CFLAR: variants seen among roughly 807,000 people sequenced by gnomAD.
The protein encoded by CFLAR is CASP8 and FADD like apoptosis regulator, also known as CASP8 and FADD-like apoptosis regulator.
Under a neutral mutation model 51.1 loss-of-function variants are expected in CFLAR, and 14 were observed. That is an observed-to-expected ratio of 0.27 (90% CI 0.18 to 0.43). CFLAR has a LOEUF of 0.43. Among genes scored for constraint, CFLAR ranks in the 20% least tolerant of loss-of-function variants. The pLI is 1.00. For synonymous variants in CFLAR, 210 were observed against 211.6 expected (o/e 0.99, Z 0.06); for missense variants, 390 against 566.5 (o/e 0.69, Z 3.16).
rs1381227805 is a variant in CFLAR at position 201,174,272 on chromosome 2, G to A, written c.*10299G>A. 1 of 152,062 alleles carries A rather than the reference G, an allele frequency of 6.6e-6. No individual in the cohort carries two copies. Among genetic ancestry groups the A allele is most frequent in the Non-Finnish European group, 1.5e-5 (1 of 67,992 alleles). 9.4% of individuals were successfully genotyped at this position (152,062 alleles called of 1,614,324 possible). On this transcript the variant is annotated 3_prime_UTR_variant, in exon 10 of 10. Transcript: ENST00000309955. ...TGATTTTAGCTCTTTGACCCATTTT[G>A]AGTTATTTTTGTGTATGCAGTGCGA...
rs963020397 is a variant in CFLAR, at chr2:201,176,247, G to A, written c.*12274G>A. The A allele has an allele frequency of 1.5e-5, 2 of 131,924 alleles. No individual in the cohort carries two copies. The highest frequency in any genetic ancestry group is 3.1e-5 in the Non-Finnish European group (2 of 63,920). 8.2% of individuals were successfully genotyped at this position (131,924 alleles called of 1,614,324 possible). A position where few individuals can be genotyped will look rare whatever the true frequency, so the allele number is the denominator to read the frequency against. On this transcript the variant is annotated 3_prime_UTR_variant, in exon 10 of 10. Coordinates refer to ENST00000309955, the MANE Select transcript of CFLAR (RefSeq NM_003879.7). ...CCCACTCCTGAGATCTTTTTGAGAA[G>A]CTGATGATCAGTCTCAGGTGTTTTC... is the stretch of plus-strand genomic sequence containing the variant.
chr2:201,157,270 A>G (rs2125909173), intron 8 of CFLAR, among the ~76,000 whole-genome samples: 1 of 152,164 alleles, frequency 6.6e-6, no homozygotes, highest in Admixed American at 6.5e-5. Context: ...CCTCCCAAGT[A>G]GCTGGGACCA....
chr2:201,132,014 A>AT (rs377101572), intron 2 of CFLAR, among the ~76,000 whole-genome samples: 2 of 152,066 alleles, frequency 1.3e-5, no homozygotes, highest in African/African-American at 4.8e-5. Flanking sequence ...TATTATTATT[A>AT]TTTTTTTAAT....
At chr2:201,132,616 G>A (rs2049481516) in intron 2 of CFLAR, among the ~76,000 whole-genome samples, 1 of 151,942 alleles carries the variant, frequency 6.6e-6, no homozygotes, top group Non-Finnish European at 1.5e-5. Flanking sequence ...TCAAAATATG[G>A]TCCTTGAATC....
rs189313933 is a variant in CFLAR at position 201,124,666 on chromosome 2, A to C, written c.-137-5063A>C. ...GGCATGAACTTTAGAAATTTCACTT[A>C]GATGGAAGGTAGATTTGGAGAGGGT... On this transcript the variant is annotated intron_variant, in intron 1 of 9. Transcript: ENST00000309955. This position sits in a 1 kb window ranked among gnomAD's most constrained non-coding sequence, Gnocchi z 4.7. Among the ~76,000 whole-genome samples, 27 of 152,278 alleles carry C rather than the reference A, an allele frequency of 1.8e-4. No homozygotes were observed. The highest frequency in any genetic ancestry group is 3.5e-4 in the Non-Finnish European group (24 of 68,026).
rs2050408465 is a variant in CFLAR at position 201,138,244 on chromosome 2, C to G, written c.524-2113C>G. 1.1e-6 allele frequency: 1 copy of G among 889,352 alleles called. No homozygotes were observed. Among genetic ancestry groups the G allele is most frequent in the Non-Finnish European group, 1.9e-6 (1 of 523,454 alleles). The allele number at this position is 889,352 out of a possible 1,614,324, so 55.1% of individuals were successfully genotyped here. A position where few individuals can be genotyped will look rare whatever the true frequency, so the allele number is the denominator to read the frequency against. ...ACACCGAGTTCCCTTGGGACGAGTC[C>G]AAGCCTATGACATTGACGCCTACCT... On this transcript the variant is annotated intron_variant, in intron 4 of 9. Coordinates refer to ENST00000309955, the MANE Select transcript of CFLAR (RefSeq NM_003879.7). The surrounding 1 kb of genome is among the most constrained non-coding windows in gnomAD (Gnocchi z 4.0).
At chr2:201,126,821 C>T (rs974476840) in intron 1 of CFLAR, among the ~76,000 whole-genome samples, 3 of 152,290 alleles carry the variant, frequency 2.0e-5, no homozygotes, top group Non-Finnish European at 4.4e-5. Flanking sequence ...TTTCCAGAAC[C>T]GGATGCTCCT....
chr2:201,116,666 G>C lies in CFLAR; in HGVS notation c.-138+185G>C, dbSNP rs1311336298. 6.6e-6 allele frequency among the ~76,000 whole-genome samples: 1 copy of C among 152,246 alleles called. No individual in the cohort carries two copies. Among genetic ancestry groups the C allele is most frequent in the Non-Finnish European group, 1.5e-5 (1 of 68,044 alleles). ...CTGCAGGTGGCCGGCAGTGGCCAGG[G>C]GATGGCGGGGGCGCTTCTGGAACCT... is the stretch of plus-strand genomic sequence containing the variant. On this transcript the variant is annotated intron_variant, in intron 1 of 9. Coordinates refer to ENST00000309955, the MANE Select transcript of CFLAR (RefSeq NM_003879.7). This position sits in a 1 kb window ranked among gnomAD's most constrained non-coding sequence, Gnocchi z 4.8.
intron 5 of CFLAR, chr2:201,141,543 TTCCAA>T: frequency 7.6e-7 from 1 of 1,317,440 alleles, no homozygotes; most frequent in South Asian, 2.2e-5. Flanking sequence ...TTTAGATGCT[TTCCAA>T]TCTTTTGTTA....
rs1265932745 is a variant in CFLAR, at chr2:201,163,873, G to A, written c.1343G>A (p.Gly448Asp). 7 of 1,613,876 alleles carry A rather than the reference G, an allele frequency of 4.3e-6. No individual in the cohort carries two copies. In the South Asian group the frequency reaches 7.7e-5, roughly 18 times the overall value. Reference protein sequence around the residue: ...PLLDLHIELNGYMYDWNSRVS... With the variant: ...PLLDLHIELNDYMYDWNSRVS... ...CTGGATCTTCACATTGAACTCAATG[G>A]CTACATGTATGATTGGAACAGCAGA... Residue 448 changes from glycine (G) to aspartate (D), a missense_variant, in exon 10 of 10, where the codon GGC becomes GAC. Coordinates refer to ENST00000309955, the MANE Select transcript of CFLAR (RefSeq NM_003879.7).
intron 4 of CFLAR, chr2:201,137,613 A>G: frequency 1.3e-6 from 1 of 753,750 alleles, no homozygotes; most frequent in Non-Finnish European, 2.5e-6. Context: ...CCCTGAGTAC[A>G]TCATGGACCG....
intron 1 of CFLAR, among the ~76,000 whole-genome samples, chr2:201,125,024 G>C (rs1355582520): frequency 6.6e-6 from 1 of 152,154 alleles, no homozygotes; most frequent in Non-Finnish European, 1.5e-5. Flanking sequence ...CGAGGCACTG[G>C]CTTCAGGACA....
At position 201,160,427 on chromosome 2, in the gene CFLAR, C is replaced by T; in HGVS notation, c.794-5C>T. 4 of 1,607,354 alleles carry T rather than the reference C, an allele frequency of 2.5e-6. No individual in the cohort carries two copies. Among genetic ancestry groups the T allele is most frequent in the Admixed American group, 3.4e-5 (2 of 58,970 alleles). ...TTTTCCGTGTTTGTTTTTTGTTTTC[C>T]CCAGAGCTTCTTCGAGACACCTTCA... On this transcript the variant is annotated splice_region_variant and splice_polypyrimidine_tract_variant and intron_variant, in intron 8 of 9. Transcript: ENST00000309955.
rs529283390 is a variant in CFLAR, at chr2:201,174,372, T to A, written c.*10399T>A. ...GCATTACTTATTGAAAATACTATTT[T>A]TTCCCTATAGAATTATTTTATACTT... is the stretch of plus-strand genomic sequence containing the variant. On this transcript the variant is annotated 3_prime_UTR_variant, in exon 10 of 10. Transcript: ENST00000309955. 6.6e-6 allele frequency: 1 copy of A among 152,328 alleles called. No individual in the cohort carries two copies. The highest frequency in any genetic ancestry group is 6.5e-5 in the Admixed American group (1 of 15,298). 9.4% of individuals were successfully genotyped at this position (152,328 alleles called of 1,614,324 possible). A position where few individuals can be genotyped will look rare whatever the true frequency, so the allele number is the denominator to read the frequency against.
Position 201,169,094 on chromosome 2 carries a change from GAATT to G in CFLAR, c.*5123_*5126del, listed in dbSNP as rs1237730070. ...TAAACTACTATTGACATTCTTCACA[GAATT>G]AGAAAAAAACTACTTTAAAATTCAA... On this transcript the variant is annotated 3_prime_UTR_variant, in exon 10 of 10. Coordinates refer to ENST00000309955, the MANE Select transcript of CFLAR (RefSeq NM_003879.7). The G allele has an allele frequency of 6.6e-6, 1 of 151,936 alleles. No individual in the cohort carries two copies. Among genetic ancestry groups the G allele is most frequent in the African/African-American group, 2.4e-5 (1 of 41,360 alleles). 9.4% of individuals were successfully genotyped at this position (151,936 alleles called of 1,614,324 possible).
rs138461717 is a variant in CFLAR, at chr2:201,118,028, T to C, written c.-138+1547T>C. 7.1e-4 allele frequency among the ~76,000 whole-genome samples: 108 copies of C among 152,314 alleles called. 1 individual carries two copies. Among genetic ancestry groups the C allele is most frequent in the Non-Finnish European group, 1.2e-3 (80 of 68,044 alleles). On this transcript the variant is annotated intron_variant, in intron 1 of 9. Transcript: ENST00000309955. The surrounding 1 kb of genome is among the most constrained non-coding windows in gnomAD (Gnocchi z 5.1). Reference sequence around the variant, plus strand: ...CCTCGGCATCCCAAAGTGCTGGGATTACAGGCGTGAGCCACCATGCCCGGC... The same window carrying C: ...CCTCGGCATCCCAAAGTGCTGGGATCACAGGCGTGAGCCACCATGCCCGGC...
intron 8 of CFLAR, chr2:201,153,374 C>G (rs1372604511): frequency 6.6e-6 from 1 of 152,256 alleles, no homozygotes; most frequent in Non-Finnish European, 1.5e-5. Flanking sequence ...AGTCTCCTCT[C>G]CTCACACCAT....
chr2:201,149,134 A>G (rs1203073981), intron 7 of CFLAR, 82 bp downstream of exon 7: 6 of 940,398 alleles, frequency 6.4e-6, no homozygotes, highest in Middle Eastern at 2.2e-4. Context: ...CCTGTCCATT[A>G]AGAATTCTTT....
Position 201,138,851 on chromosome 2 carries a change from G to C in CFLAR, c.524-1506G>C. On this transcript the variant is annotated intron_variant, in intron 4 of 9. Transcript: ENST00000309955. The surrounding 1 kb of genome is among the most constrained non-coding windows in gnomAD (Gnocchi z 4.0). The stretch of plus-strand genomic sequence containing the variant: ...GGTCGGCCTCTGTCACAGTGTCCAT[G>C]GGGGAGGAGATCAGCGGCGTCTTCA... The C allele has an allele frequency of 1.4e-6, 1 of 730,062 alleles. No homozygotes were observed. Among genetic ancestry groups the C allele is most frequent in the African/African-American group, 1.7e-5 (1 of 58,086 alleles). The allele number at this position is 730,062 out of a possible 1,614,324, so 45.2% of individuals were successfully genotyped here.
Sources: allele counts gnomAD v4.1 joint callset (sites outside exome capture counted in the v4.1 genomes callset), GRCh38; gene constraint gnomAD v4.1.1; non-coding constraint Gnocchi (gnomAD v3.1); transcripts MANE v1.5; gene names NCBI Gene and HGNC (gene_info 2026-07-23, HGNC 2026-07-21).